PRKDC: variants seen among roughly 807,000 people sequenced by gnomAD.
PRKDC encodes DNA-dependent protein kinase catalytic subunit.
In PRKDC, 82 loss-of-function variants were observed where a neutral mutation model predicts 486.9. That is an observed-to-expected ratio of 0.17 (90% CI 0.14 to 0.20). The LOEUF is 0.20. Among genes scored for constraint, PRKDC ranks in the 10% least tolerant of loss-of-function variants. The pLI, the probability that PRKDC is intolerant of heterozygous loss-of-function variation, is 1.00. For synonymous variants in PRKDC, 1,895 were observed against 1,837.0 expected (o/e 1.03, Z -0.81); for missense variants, 4,504 against 5,038.2 (o/e 0.89, Z 3.21).
chr8:47,952,464 G>A (rs1336098398), intron 7 of PRKDC, among the ~76,000 whole-genome samples: 1 of 152,202 alleles, frequency 6.6e-6, no homozygotes, highest in Non-Finnish European at 1.5e-5. Context: ...GATGGGGGAA[G>A]AGATTAACTA....
At chr8:47,795,191 T>TC (rs2086957681) in intron 73 of PRKDC, among the ~76,000 whole-genome samples, 1 of 128,884 alleles carries the variant, frequency 7.8e-6, no homozygotes, top group Admixed American at 8.8e-5. Context: ...TGGCCAACTC[T>TC]TTTTTTTTTT....
Position 47,893,149 on chromosome 8 carries a change from G to C in PRKDC, c.3837C>G (p.Leu1279=), listed in dbSNP as rs752085221. 6.2e-7 allele frequency: 1 copy of C among 1,602,104 alleles called. No homozygotes were observed. The highest frequency in any genetic ancestry group is 1.1e-5 in the South Asian group (1 of 90,336). ...TFIGERTVGA[L]QVLGTEAQSS... is the part of the protein sequence containing the mutation. ...GCAAGGGTGACCTACCTAGGACCTG[G>C]AGCGCTCCTACAGTTCTCTCGCCAA... The change falls in exon 31 of 86, where the codon CTC becomes CTG. Residue 1279 remains leucine, a synonymous_variant. Coordinates refer to ENST00000314191, the MANE Select transcript of PRKDC (RefSeq NM_006904.7).
At chr8:47,957,596 C>T (rs749040398) in intron 1 of PRKDC, among the ~76,000 whole-genome samples, 165 bp from the exon 2 acceptor site, 4 of 149,110 alleles carry the variant, frequency 2.7e-5, no homozygotes, top group South Asian at 2.3e-4. Context: ...CTGCAACCTC[C>T]GCCTCCCGGG....
intron 65 of PRKDC, 53 bp from the exon 66 acceptor site, chr8:47,820,996 CTAAT>C: frequency 1.8e-6 from 2 of 1,140,928 alleles, no homozygotes; most frequent in East Asian, 2.5e-5. Context: ...TTGAGTATGT[CTAAT>C]TATTTTATTT....
chr8:47,854,333 T>G, intron 50 of PRKDC, 119 bp from the exon 51 acceptor site: 1 of 1,152,420 alleles, frequency 8.7e-7, no homozygotes, highest in East Asian at 2.5e-5. Context: ...CAGGCTGGAG[T>G]GCAGTGGCGT....
intron 68 of PRKDC, among the ~76,000 whole-genome samples, chr8:47,814,249 C>T (rs2087394375): frequency 6.6e-6 from 1 of 152,114 alleles, no homozygotes; most frequent in South Asian, 2.1e-4. Flanking sequence ...AAGGCATTTA[C>T]AAAAAAATTA....
intron 3 of PRKDC, 123 bp downstream of exon 3, chr8:47,957,048 A>T (rs2090715484): frequency 4.8e-6 from 3 of 624,898 alleles, no homozygotes; most frequent in Non-Finnish European, 5.2e-6. Flanking sequence ...AGCAGAAATA[A>T]GCAAATTCCC....
chr8:47,830,458 T>G (rs2087837757), intron 61 of PRKDC, 147 bp downstream of exon 61: 1 of 1,077,212 alleles, frequency 9.3e-7, no homozygotes, highest in South Asian at 1.8e-5. Flanking sequence ...TGGAGCAAGG[T>G]CTTTATACCA....
chr8:47,800,723 C>G (rs781092769), intron 71 of PRKDC, 70 bp downstream of exon 71: 9 of 1,364,064 alleles, frequency 6.6e-6, no homozygotes, highest in Non-Finnish European at 8.8e-6. Flanking sequence ...TTATTACTTT[C>G]CTGTAGCCTG....
chr8:47,842,029 A>G (rs567517659), intron 54 of PRKDC, among the ~76,000 whole-genome samples: 19 of 152,282 alleles, frequency 1.2e-4, no homozygotes, highest in Non-Finnish European at 8.8e-5. Context: ...CAGACCACCC[A>G]GAGACATACC....
Position 47,858,574 on chromosome 8 carries a change from G to T in PRKDC, c.6407C>A (p.Pro2136Gln). 6.4e-7 allele frequency: 1 copy of T among 1,558,992 alleles called. No homozygotes were observed. The highest frequency in any genetic ancestry group is 8.7e-7 in the Non-Finnish European group (1 of 1,149,742). Residue 2136 changes from proline to glutamine, a missense_variant, in exon 48 of 86, where the codon CCA becomes CAA. Physicochemically the swap from Pro to Gln is moderately conservative, Grantham distance 76. Transcript: ENST00000314191. The stretch of plus-strand genomic sequence containing the variant: ...GAGACGGATATTTAATGGTACTATT[G>T]GATTTCCCAGTTTGCCATGGAGGAA... ...MKFLHGKLGN[P>Q]IVPLNIRLFL...
chr8:47,783,651 C>T (rs2154497569), intron 78 of PRKDC, 91 bp downstream of exon 78: 18 of 1,218,810 alleles, frequency 1.5e-5, no homozygotes, highest in Non-Finnish European at 2.2e-5. Context: ...TCAACATGGG[C>T]CGTTGTCTCA....
chr8:47,881,922 T>C lies in PRKDC; in HGVS notation c.4952A>G (p.Lys1651Arg). The C allele has an allele frequency of 1.2e-6, 2 of 1,605,754 alleles. No individual in the cohort carries two copies. Among genetic ancestry groups the C allele is most frequent in the Non-Finnish European group, 1.7e-6 (2 of 1,174,950 alleles). ...AAAGGAATTGAATACCTGTAAAATT[T>C]TTGCCAGTAAGGCCAGCACTGCCAT... ...TKMAVLALLA[K>R]ILQIDSSVSF... Residue 1651 changes from lysine (K) to arginine (R), a missense_variant, in exon 37 of 86, where the codon AAA becomes AGA. Around this residue, in one of 6 missense-constraint regions of PRKDC, gnomAD observed 1,969 missense variants for 2,068.9 expected, o/e 0.95. Coordinates refer to ENST00000314191, the MANE Select transcript of PRKDC (RefSeq NM_006904.7).
In PRKDC at chr8:47,862,538, C is replaced by G; in HGVS notation, c.5754G>C (p.Leu1918Phe). The G allele has an allele frequency of 6.2e-7, 1 of 1,604,260 alleles. No individual in the cohort carries two copies. Residue 1918 changes from leucine to phenylalanine, a missense_variant, in exon 43 of 86, where the codon TTG (leucine) becomes TTC (phenylalanine). Around this residue, in one of 6 missense-constraint regions of PRKDC, gnomAD observed 80 missense variants for 132.3 expected, o/e 0.60. Transcript: ENST00000314191. The part of the protein sequence containing the change: ...GNELTKTLIK[L>F]CYDAFTENMA... ...TGTTCTCTGTAAATGCATCGTAGCACAATCTGCAGAGAGATCCATGTGACA... is the reference window on the plus strand; with the variant it reads ...TGTTCTCTGTAAATGCATCGTAGCAGAATCTGCAGAGAGATCCATGTGACA...
At chr8:47,856,920 AAACACCTGACAGCTTC>A (rs2088554593) in intron 49 of PRKDC, among the ~76,000 whole-genome samples, 1 of 152,244 alleles carries the variant, frequency 6.6e-6, no homozygotes, top group Non-Finnish European at 1.5e-5. Flanking sequence ...AAAACAAAAC[AAACACCTGACAGCTTC>A]ATAATAAAAG....
Position 47,776,072 on chromosome 8 carries a change from C to T in PRKDC, c.12182+772G>A, listed in dbSNP as rs966187394. 2.0e-5 allele frequency among the ~76,000 whole-genome samples: 3 copies of T among 152,248 alleles called. No individual in the cohort carries two copies. The East Asian group carries it at 5.8e-4, about 29-fold the overall frequency. ...CTCCTGACCTCAAGTGATCCACTAG[C>T]CTTGGCCTCCCAAAGTGTTGAGGCG... On this transcript the variant is annotated intron_variant, in intron 85 of 85. Coordinates refer to ENST00000314191, the MANE Select transcript of PRKDC (RefSeq NM_006904.7).
Position 47,801,245 on chromosome 8 carries a change from T to C in PRKDC, c.9923-259A>G, listed in dbSNP as rs56363757. 6.9e-4 allele frequency among the ~76,000 whole-genome samples: 105 copies of C among 152,228 alleles called. 1 individual carries two copies. In the East Asian group the frequency reaches 0.018, roughly 27 times the overall value. On this transcript the variant is annotated intron_variant, in intron 70 of 85. Coordinates refer to ENST00000314191, the MANE Select transcript of PRKDC (RefSeq NM_006904.7). ...CACCACCATGCCCGGCTATTTTTTG[T>C]ATTTTTGGTAGAGATGGGGTTTCGC...
chr8:47,792,829 G>A (rs1046238807), intron 74 of PRKDC, among the ~76,000 whole-genome samples: 5 of 152,234 alleles, frequency 3.3e-5, no homozygotes, highest in South Asian at 4.1e-4. Context: ...ACGTTTTGAC[G>A]TATATAACGC....
intron 21 of PRKDC, among the ~76,000 whole-genome samples, chr8:47,918,854 A>T (rs1405908136): frequency 1.3e-5 from 2 of 152,256 alleles, no homozygotes; most frequent in Non-Finnish European, 2.9e-5. Context: ...TGCAACCATC[A>T]AAGTAATACC....
Sources: gnomAD v4.1 joint callset for allele counts (sites outside exome capture counted in the v4.1 genomes callset) on GRCh38, gnomAD v4.1.1 for gene constraint, gnomAD v4.1.1 regional missense constraint, MANE v1.5 for transcripts, NCBI Gene and HGNC (gene_info 2026-07-23, HGNC 2026-07-21) for gene names.